IFT74: variants seen among roughly 807,000 people sequenced by gnomAD.
IFT74 encodes the protein intraflagellar transport protein 74 homolog.
IFT74 carries 92 observed loss-of-function variants against 96.7 expected under a neutral mutation model. The ratio of observed to expected loss-of-function variants is 0.95; its 90% CI spans 0.80 to 1.13. IFT74 has a LOEUF of 1.13. Ranked by LOEUF, IFT74 falls within the 50% of genes most tolerant of loss-of-function variation. The probability of loss-of-function intolerance (pLI) is 0.00; values close to 1 mark genes in which losing one functional copy is unlikely to be tolerated. For missense variants in IFT74, 811 were observed against 698.2 expected, an observed-to-expected ratio of 1.16 and a Z score of -1.82; for synonymous variants, 223 against 213.2, an observed-to-expected ratio of 1.05 and a Z score of -0.40.
chr9:26,974,921 A>G (rs1235226258), intron 2 of IFT74, among the ~76,000 whole-genome samples: 2 of 152,230 alleles, frequency 1.3e-5, no homozygotes, highest in African/African-American at 4.8e-5. Context: ...TTTAAGGGGA[A>G]GAGAGTCGGG....
At chr9:27,051,813 TGTAG>T (rs1259524864) in intron 16 of IFT74, among the ~76,000 whole-genome samples, 4 of 152,218 alleles carry the variant, frequency 2.6e-5, no homozygotes, top group African/African-American at 9.6e-5. Context: ...AAAGTCTATC[TGTAG>T]ACAGACAGAT....
At chr9:27,029,339 T>C (rs529572800) in intron 13 of IFT74, among the ~76,000 whole-genome samples, 9 of 152,260 alleles carry the variant, frequency 5.9e-5, no homozygotes, top group African/African-American at 1.9e-4. Flanking sequence ...GCCAAGCAGT[T>C]TGTTTTTTTT....
At chr9:27,038,778 G>GA (rs1161152636) in intron 13 of IFT74, among the ~76,000 whole-genome samples, 3 of 152,170 alleles carry the variant, frequency 2.0e-5, no homozygotes, top group Non-Finnish European at 4.4e-5. Flanking sequence ...TTGGATACTT[G>GA]AAAAATTTGC....
intron 12 of IFT74, among the ~76,000 whole-genome samples, chr9:27,024,799 A>T (rs779263068): frequency 1.6e-4 from 24 of 152,094 alleles, no homozygotes; most frequent in Non-Finnish European, 3.1e-4. Context: ...CCAGAGAAAT[A>T]TGTAGCATAA....
chr9:26,977,396 A>G (rs1265636563), intron 2 of IFT74, among the ~76,000 whole-genome samples: 1 of 152,218 alleles, frequency 6.6e-6, no homozygotes, highest in African/African-American at 2.4e-5. Context: ...CCAGTAGTTC[A>G]AGACCAGCCT....
intron 17 of IFT74, 42 bp downstream of exon 17, chr9:27,055,814 T>G: frequency 1.5e-6 from 2 of 1,308,960 alleles, no homozygotes; most frequent in South Asian, 3.5e-5. Flanking sequence ...ATTCAGATTG[T>G]TTTTTTCTTG....
intron 8 of IFT74, among the ~76,000 whole-genome samples, chr9:27,000,373 A>G (rs1359139232): frequency 6.6e-6 from 1 of 152,204 alleles, no homozygotes; most frequent in Non-Finnish European, 1.5e-5. Context: ...GTATATGCTT[A>G]TATTGATGGT....
rs530078370 is a variant in IFT74, at chr9:27,053,024, C to G, written c.1334-2585C>G. On this transcript the variant is annotated intron_variant, in intron 16 of 19. Transcript: ENST00000380062. ...GACTACAGGCACCCACCACCTCGCC[C>G]GGCTAATTTTTTGTATTTTTAGTAG... Among the ~76,000 whole-genome samples, 8 of 152,180 alleles carry G rather than the reference C, an allele frequency of 5.3e-5. No individual in the cohort carries two copies. The South Asian group carries it at 1.7e-3, about 32-fold the overall frequency.
At chr9:27,001,938 T>C (rs1828514646) in intron 8 of IFT74, among the ~76,000 whole-genome samples, 1 of 140,822 alleles carries the variant, frequency 7.1e-6, no homozygotes, top group Admixed American at 7.4e-5. Flanking sequence ...TTTTCTTTTT[T>C]TCTCTTTTTT....
chr9:26,968,322 C>T (rs911007789), intron 2 of IFT74, among the ~76,000 whole-genome samples: 4 of 150,908 alleles, frequency 2.7e-5, no homozygotes, highest in East Asian at 1.9e-4. Flanking sequence ...AGTGCAGTGA[C>T]GCAATCTCTG....
chr9:27,036,448 A>C, intron 13 of IFT74: 1 of 1,613,668 alleles, frequency 6.2e-7, no homozygotes, highest in South Asian at 1.1e-5. Flanking sequence ...CTTCATCTGC[A>C]GATCCTACCA....
At chr9:27,034,821 C>T (rs1234226155) in intron 13 of IFT74, among the ~76,000 whole-genome samples, 4 of 152,216 alleles carry the variant, frequency 2.6e-5, no homozygotes, top group East Asian at 1.9e-4. Context: ...TGAGCCACCA[C>T]GCCTGGCCAG....
chr9:27,061,384 C>A (rs1168553664), intron 19 of IFT74, among the ~76,000 whole-genome samples: 1 of 152,080 alleles, frequency 6.6e-6, no homozygotes, highest in African/African-American at 2.4e-5. Flanking sequence ...ATTCAGTTTT[C>A]CGGGATCACA....
intron 1 of IFT74, among the ~76,000 whole-genome samples, chr9:26,959,280 T>C (rs1826251651): frequency 1.3e-5 from 2 of 152,096 alleles, no homozygotes; most frequent in Non-Finnish European, 2.9e-5. Flanking sequence ...GGCTAATTTT[T>C]TGTATTTTTT....
chr9:27,018,267 A>G (rs750520516), intron 11 of IFT74, among the ~76,000 whole-genome samples: 10 of 152,208 alleles, frequency 6.6e-5, no homozygotes, highest in Admixed American at 1.3e-4. Flanking sequence ...GGTATTCACT[A>G]TTTATCTGAA....
intron 7 of IFT74, 103 bp downstream of exon 7, chr9:26,988,831 G>T: frequency 9.3e-7 from 1 of 1,069,726 alleles, no homozygotes; most frequent in South Asian, 1.9e-5. Context: ...GTGCTATAGA[G>T]GTGAATATTA....
chr9:26,978,147 G>C lies in IFT74; in HGVS notation c.140G>C (p.Arg47Thr). The change falls in exon 3 of 20, where the codon AGA becomes ACA. Residue 47 changes from arginine (R) to threonine (T), a missense_variant. Transcript: ENST00000380062. ...VATAMPPGTA[R>T]PGSRGCPIGT... The stretch of plus-strand genomic sequence containing the variant: ...ATTTAGATGCCACCTGGGACAGCAA[G>C]ACCAGGTTCTCGTGGTTGTCCCATA... 1 of 1,604,582 alleles carries C rather than the reference G, an allele frequency of 6.2e-7. No individual in the cohort carries two copies. Among genetic ancestry groups the C allele is most frequent in the Non-Finnish European group, 8.5e-7 (1 of 1,178,220 alleles).
chr9:27,022,412 C>A (rs559709794), intron 12 of IFT74, among the ~76,000 whole-genome samples: 80 of 151,946 alleles, frequency 5.3e-4, no homozygotes, highest in African/African-American at 1.9e-3. Context: ...TTGTAGATTG[C>A]TTTTGGCAGT....
intron 18 of IFT74, among the ~76,000 whole-genome samples, chr9:27,057,814 C>T (rs1016926642): frequency 1.3e-5 from 2 of 151,844 alleles, no homozygotes; most frequent in South Asian, 4.2e-4. Context: ...GCTGAGATCG[C>T]GCCACTGCAC....
Sources: gnomAD v4.1 joint callset for allele counts (sites outside exome capture counted in the v4.1 genomes callset) on GRCh38, gnomAD v4.1.1 for gene constraint, MANE v1.5 for transcripts, NCBI Gene and HGNC (gene_info 2026-07-23, HGNC 2026-07-21) for gene names.